The following GALNT13 variants were observed in gnomAD, a reference collection of about 807,000 sequenced individuals.
GALNT13 encodes the protein polypeptide N-acetylgalactosaminyltransferase 13.
In GALNT13, 28 loss-of-function variants were observed where a neutral mutation model predicts 64.2. That is an observed-to-expected ratio of 0.44 (90% confidence interval 0.32 to 0.60). The LOEUF (loss-of-function observed/expected upper bound fraction) is 0.60. Ranked by LOEUF, GALNT13 falls within the 20% of genes least tolerant of loss-of-function variation. GALNT13 has a pLI of 0.05. For missense variants in GALNT13, 577 were observed against 669.8 expected, an observed-to-expected ratio of 0.86 and a Z score of 1.53; for synonymous variants, 214 against 224.6, an observed-to-expected ratio of 0.95 and a Z score of 0.42.
chr2:153,534,518 C>CTTTTTT, the GALNT13 span, among the ~76,000 whole-genome samples: 174 of 123,588 alleles, frequency 1.4e-3, 7 homozygotes, highest in Middle Eastern at 4.2e-3. Flanking sequence ...GCCCCTCTTT[C>CTTTTTT]TTTCTTTCTT....
chr2:153,382,857 T>C, the GALNT13 span, among the ~76,000 whole-genome samples: 2 of 152,052 alleles, frequency 1.3e-5, no homozygotes, highest in Admixed American at 1.3e-4. Flanking sequence ...AGTCAATCAA[T>C]GGTCAGTTAA....
chr2:154,198,564 A>G (rs1468612195), intron 4 of GALNT13, among the ~76,000 whole-genome samples: 1 of 151,972 alleles, frequency 6.6e-6, no homozygotes, highest in Non-Finnish European at 1.5e-5. Flanking sequence ...TGGACAAGGC[A>G]CTGAAAATGA....
intron 9 of GALNT13, among the ~76,000 whole-genome samples, chr2:154,302,396 A>G (rs10490530): frequency 0.14 from 20,666 of 152,268 alleles, 1,419 homozygotes; most frequent in South Asian, 0.19. Context: ...TGTCATTATT[A>G]TGTAACCCAT....
intron 7 of GALNT13, among the ~76,000 whole-genome samples, chr2:154,254,720 G>A (rs144329375): frequency 6.6e-6 from 1 of 152,286 alleles, no homozygotes; most frequent in East Asian, 1.9e-4. Context: ...GGTCTATGAT[G>A]TACACACTGA....
At chr2:153,443,549 A>G in the GALNT13 span, among the ~76,000 whole-genome samples, 2 of 152,164 alleles carry the variant, frequency 1.3e-5, no homozygotes, top group African/African-American at 2.4e-5. Flanking sequence ...TTAAGACTTG[A>G]GTACTATTTT....
chr2:154,163,815 T>G (rs2105675107), intron 4 of GALNT13, among the ~76,000 whole-genome samples: 1 of 152,306 alleles, frequency 6.6e-6, no homozygotes, highest in South Asian at 2.1e-4. Flanking sequence ...TTAAAAAAAG[T>G]GGACAAGAAT....
At chr2:153,653,146 T>C in the GALNT13 span, among the ~76,000 whole-genome samples, 1 of 152,110 alleles carries the variant, frequency 6.6e-6, no homozygotes, top group Non-Finnish European at 1.5e-5. Context: ...TGTTGTAAGT[T>C]GGTTTCTCTA....
the GALNT13 span, among the ~76,000 whole-genome samples, chr2:153,575,443 C>T: frequency 1.3e-5 from 2 of 152,170 alleles, no homozygotes; most frequent in African/African-American, 4.8e-5. Context: ...AGGCCTGTGT[C>T]TCTCTCTTCA....
the GALNT13 span, among the ~76,000 whole-genome samples, chr2:153,599,053 C>A: frequency 2.0e-5 from 3 of 151,912 alleles, no homozygotes; most frequent in Non-Finnish European, 2.9e-5. Flanking sequence ...CCATGGTATT[C>A]GTTCTTAAAA....
chr2:154,291,180 C>G (rs566383961), intron 8 of GALNT13, among the ~76,000 whole-genome samples: 2 of 152,204 alleles, frequency 1.3e-5, no homozygotes, highest in East Asian at 3.9e-4. Context: ...GTCCATTTTA[C>G]AGAGAGCTGA....
chr2:153,715,193 T>A, the GALNT13 span, among the ~76,000 whole-genome samples: 2 of 152,246 alleles, frequency 1.3e-5, no homozygotes, highest in Non-Finnish European at 2.9e-5. Context: ...GGGATGTGTA[T>A]AATTTATTAT....
the GALNT13 span, among the ~76,000 whole-genome samples, chr2:153,626,805 C>G: frequency 6.6e-6 from 1 of 152,026 alleles, no homozygotes; most frequent in Admixed American, 6.6e-5. Flanking sequence ...CTCTATGATG[C>G]CTGCAAAACC....
chr2:153,460,407 T>C, the GALNT13 span, among the ~76,000 whole-genome samples: 2 of 152,126 alleles, frequency 1.3e-5, no homozygotes, highest in African/African-American at 4.8e-5. Flanking sequence ...TGCTATATAA[T>C]TCGTTCAGTT....
chr2:154,380,538 AT>A lies in GALNT13; in HGVS notation c.1157-15446del, dbSNP rs1165344640. ...ACAACCTTATAGTCATCCTTCCAGA[AT>A]TTTTTTCTTCATTTTCTGGGAGATT... On this transcript the variant is annotated intron_variant, in intron 9 of 12. Coordinates refer to ENST00000392825, the MANE Select transcript of GALNT13 (RefSeq NM_052917.4). Among the ~76,000 whole-genome samples the A allele has an allele frequency of 2.0e-5, 3 of 152,074 alleles. No individual in the cohort carries two copies. The South Asian group carries it at 6.2e-4, about 32-fold the overall frequency.
chr2:153,152,407 C>A, the GALNT13 span, among the ~76,000 whole-genome samples: 1 of 149,670 alleles, frequency 6.7e-6, no homozygotes, highest in Non-Finnish European at 1.5e-5. Flanking sequence ...ATTCCACACA[C>A]TTTCTTTTTT....
chr2:153,389,259 T>A, the GALNT13 span, among the ~76,000 whole-genome samples: 1 of 152,094 alleles, frequency 6.6e-6, no homozygotes, highest in Admixed American at 6.6e-5. Context: ...ATATTTGAAT[T>A]ATATATTGGG....
the GALNT13 span, among the ~76,000 whole-genome samples, chr2:153,636,020 G>A: frequency 1.3e-5 from 2 of 152,044 alleles, no homozygotes. Context: ...CTGTGAAGAG[G>A]AAATTCCGAA....
At chr2:153,922,817 CAG>C (rs1348736180) in intron 2 of GALNT13, among the ~76,000 whole-genome samples, 7 of 151,932 alleles carry the variant, frequency 4.6e-5, no homozygotes, top group Non-Finnish European at 1.0e-4. Flanking sequence ...TTTAGAAACT[CAG>C]AGATATATTA....
the GALNT13 span, among the ~76,000 whole-genome samples, chr2:153,400,871 A>T: frequency 2.0e-5 from 3 of 152,166 alleles, no homozygotes; most frequent in African/African-American, 7.2e-5. Flanking sequence ...CCTTTCAAAA[A>T]ACCAGCTCCT....
Sources: allele counts gnomAD v4.1 joint callset (sites outside exome capture counted in the v4.1 genomes callset), GRCh38; gene constraint gnomAD v4.1.1; transcripts MANE v1.5; gene names NCBI Gene and HGNC (gene_info 2026-07-23, HGNC 2026-07-21).